FAM135B: variants seen among roughly 807,000 people sequenced by gnomAD.
FAM135B encodes family with sequence similarity 135 member B, also known as protein FAM135B.
A neutral mutation model predicts 127.7 loss-of-function variants in FAM135B; 43 were observed. That is an observed-to-expected ratio of 0.34 (90% CI 0.26 to 0.43). FAM135B has a LOEUF of 0.43. Among genes scored for constraint, FAM135B ranks in the 20% least tolerant of loss-of-function variants. The pLI, the probability that FAM135B is intolerant of heterozygous loss-of-function variation, is 1.00. For synonymous variants in FAM135B, 670 were observed against 665.1 expected, an observed-to-expected ratio of 1.01 and a Z score of -0.11; for missense variants, 1,558 against 1,725.6, an observed-to-expected ratio of 0.90 and a Z score of 1.72.
chr8:138,355,599 C>T (rs951762115), intron 2 of FAM135B, among the ~76,000 whole-genome samples: 5 of 152,118 alleles, frequency 3.3e-5, no homozygotes, highest in African/African-American at 1.2e-4. Flanking sequence ...GTATCTCTCA[C>T]GCCTGTCAGT....
chr8:138,436,340 AT>A (rs199541409), intron 1 of FAM135B, among the ~76,000 whole-genome samples: 27 of 151,644 alleles, frequency 1.8e-4, no homozygotes, highest in African/African-American at 2.7e-4. Context: ...ACCCCTGAGC[AT>A]TTTTTTTTAT....
intron 1 of FAM135B, among the ~76,000 whole-genome samples, chr8:138,381,697 T>G (rs1367697504): frequency 1.3e-5 from 2 of 152,258 alleles, no homozygotes; most frequent in Non-Finnish European, 2.9e-5. Context: ...CAAAGTTTTC[T>G]GGGGCACTTG....
rs376095166 is a variant in FAM135B, at chr8:138,177,412, C to T, written c.1038G>A (p.Arg346=). ...TQEHHTLRVR[R]FSEAFFYMEH... is the part of the protein sequence containing the mutation. ...CCATGTAAAAGAAGGCCTCAGAAAA[C>T]CTTCGGACCTGCAGAATAAAACAAT... The change falls in exon 11 of 20, where the codon AGG becomes AGA. Residue 346 remains arginine (R), a synonymous_variant. Transcript: ENST00000395297. 81 of 1,613,032 alleles carry T rather than the reference C, an allele frequency of 5.0e-5. No homozygotes were observed. Among genetic ancestry groups the T allele is most frequent in the Non-Finnish European group, 6.1e-5 (72 of 1,179,470 alleles).
At chr8:138,370,760 T>C (rs1362240105) in intron 1 of FAM135B, among the ~76,000 whole-genome samples, 2 of 152,174 alleles carry the variant, frequency 1.3e-5, no homozygotes. Context: ...CCATGTAAAA[T>C]ACTTTTAAAA....
At chr8:138,179,173 C>A (rs563488552) in intron 9 of FAM135B, among the ~76,000 whole-genome samples, 16 of 152,256 alleles carry the variant, frequency 1.1e-4, no homozygotes, top group African/African-American at 3.6e-4. Context: ...CTTTTCAATG[C>A]CCAGAGCCAA....
intron 1 of FAM135B, among the ~76,000 whole-genome samples, chr8:138,401,474 G>A (rs1156238238): frequency 6.6e-6 from 1 of 152,168 alleles, no homozygotes; most frequent in Non-Finnish European, 1.5e-5. Context: ...GGAGGCACAG[G>A]GCACTCACGT....
At chr8:138,149,098 G>A (rs540775951) in intron 13 of FAM135B, among the ~76,000 whole-genome samples, 1 of 151,480 alleles carries the variant, frequency 6.6e-6, no homozygotes, top group East Asian at 1.9e-4. Context: ...CCTGCATGTT[G>A]TGCACATGTA....
intron 8 of FAM135B, 23 bp from the exon 9 acceptor site, chr8:138,195,330 G>A (rs1420312387): frequency 5.6e-6 from 9 of 1,609,898 alleles, no homozygotes; most frequent in Non-Finnish European, 6.8e-6. Context: ...AATAAACTGT[G>A]TGATTAAATG....
intron 7 of FAM135B, among the ~76,000 whole-genome samples, chr8:138,200,338 T>C (rs909364217): frequency 1.3e-5 from 2 of 152,170 alleles, no homozygotes; most frequent in African/African-American, 4.8e-5. Flanking sequence ...TCTACAACTT[T>C]CCTATTATAT....
chr8:138,224,660 A>C (rs994803308), intron 7 of FAM135B, among the ~76,000 whole-genome samples: 5 of 152,174 alleles, frequency 3.3e-5, no homozygotes, highest in Admixed American at 6.5e-5. Flanking sequence ...TATGTTATGG[A>C]CTTGATGTTT....
intron 1 of FAM135B, among the ~76,000 whole-genome samples, chr8:138,491,153 A>G (rs1564040470): frequency 6.6e-6 from 1 of 151,316 alleles, no homozygotes; most frequent in Non-Finnish European, 1.5e-5. Flanking sequence ...AAAAAAAAAA[A>G]AAAAAAGAAA....
chr8:138,470,245 C>T (rs1393387387), intron 1 of FAM135B, among the ~76,000 whole-genome samples: 1 of 152,004 alleles, frequency 6.6e-6, no homozygotes, highest in Non-Finnish European at 1.5e-5. Context: ...ACATCACAAG[C>T]CCAGGAACAA....
At chr8:138,319,086 GTTTT>G (rs5895514) in intron 2 of FAM135B, among the ~76,000 whole-genome samples, 18 of 151,706 alleles carry the variant, frequency 1.2e-4, no homozygotes, top group South Asian at 6.3e-4. Context: ...AAATCTACAA[GTTTT>G]TTTTTTTTGT....
At chr8:138,142,540 G>A (rs924935917) in intron 16 of FAM135B, among the ~76,000 whole-genome samples, 4 of 151,932 alleles carry the variant, frequency 2.6e-5, no homozygotes, top group Admixed American at 1.3e-4. Context: ...TCCTGACCTC[G>A]TGATCCGCCC....
intron 1 of FAM135B, among the ~76,000 whole-genome samples, chr8:138,410,993 T>C (rs908096537): frequency 1.4e-5 from 2 of 139,376 alleles, no homozygotes; most frequent in African/African-American, 2.8e-5. Context: ...TAAAAGAGGA[T>C]ACAAACAAAT....
At chr8:138,157,277 G>T (rs966137258) in intron 12 of FAM135B, among the ~76,000 whole-genome samples, 8 of 152,120 alleles carry the variant, frequency 5.3e-5, no homozygotes, top group Non-Finnish European at 5.9e-5. Flanking sequence ...CAATAAACTA[G>T]GTATTGATGG....
At chr8:138,458,200 T>C (rs879644350) in intron 1 of FAM135B, among the ~76,000 whole-genome samples, 2 of 152,192 alleles carry the variant, frequency 1.3e-5, no homozygotes, top group Admixed American at 6.5e-5. Context: ...TATAGTAGCA[T>C]ACTTACATAT....
chr8:138,336,576 A>G (rs1828607561), intron 2 of FAM135B, among the ~76,000 whole-genome samples: 1 of 152,348 alleles, frequency 6.6e-6, no homozygotes, highest in South Asian at 2.1e-4. Flanking sequence ...GAATCTCTGA[A>G]TAGACCAAAA....
chr8:138,401,739 C>A lies in FAM135B; in HGVS notation c.-19-33737G>T, dbSNP rs1255872025. Among the ~76,000 whole-genome samples, 6 of 152,166 alleles carry A rather than the reference C, an allele frequency of 3.9e-5. No homozygotes were observed. The East Asian group carries it at 9.6e-4, about 24-fold the overall frequency. On this transcript the variant is annotated intron_variant, in intron 1 of 19. Transcript: ENST00000395297. ...GATAACAACCAATTGCATTTCCTTTCTTAAGAGCCAGTGATGAATGTGACT... is the reference window on the plus strand; with the variant it reads ...GATAACAACCAATTGCATTTCCTTTATTAAGAGCCAGTGATGAATGTGACT...
Sources: gnomAD v4.1 joint callset for allele counts (sites outside exome capture counted in the v4.1 genomes callset) on GRCh38, gnomAD v4.1.1 for gene constraint, MANE v1.5 for transcripts, NCBI Gene and HGNC (gene_info 2026-07-23, HGNC 2026-07-21) for gene names.